ZNF644: variants seen among roughly 807,000 people sequenced by gnomAD.
The protein encoded by ZNF644 is zinc finger motif enhancer binding protein 2.
ZNF644 carries 20 observed loss-of-function variants against 108.0 expected under a neutral mutation model. The ratio of observed to expected loss-of-function variants is 0.19; its 90% confidence interval spans 0.13 to 0.27. The LOEUF is 0.27. ZNF644 is among the 10% of genes least tolerant of loss of function. The pLI is 1.00. For missense variants in ZNF644, 1,338 were observed against 1,548.9 expected (o/e 0.86, Z 2.29); for synonymous variants, 542 against 539.1 (o/e 1.01, Z -0.08).
At chr1:90,933,579 G>C (rs953130456) in intron 4 of ZNF644, among the ~76,000 whole-genome samples, 9 of 152,112 alleles carry the variant, frequency 5.9e-5, no homozygotes, top group African/African-American at 2.2e-4. Flanking sequence ...CAGGGGAATT[G>C]CTTGAACCAG....
chr1:90,947,509 G>T (rs1036915020), intron 2 of ZNF644, among the ~76,000 whole-genome samples: 9 of 152,188 alleles, frequency 5.9e-5, no homozygotes, highest in African/African-American at 2.2e-4. Context: ...CAGGGGCAGT[G>T]TGTCAACTTT....
At chr1:90,929,648 C>T (rs1447572417) in intron 4 of ZNF644, among the ~76,000 whole-genome samples, 1 of 152,086 alleles carries the variant, frequency 6.6e-6, no homozygotes, top group Admixed American at 6.5e-5. Flanking sequence ...TTTTTTCTAT[C>T]ACATCAGAAA....
chr1:90,992,608 C>G (rs1244412368), intron 1 of ZNF644, among the ~76,000 whole-genome samples: 1 of 152,134 alleles, frequency 6.6e-6, no homozygotes, highest in Non-Finnish European at 1.5e-5. Context: ...GCAAACAATT[C>G]TTACTGAAAT....
chr1:90,985,323 TAA>T (rs771274103), intron 1 of ZNF644, among the ~76,000 whole-genome samples: 1 of 152,230 alleles, frequency 6.6e-6, no homozygotes. Flanking sequence ...GTAAAACACT[TAA>T]AATCTACTCT....
chr1:90,976,652 T>C (rs907876255), intron 2 of ZNF644, among the ~76,000 whole-genome samples: 25 of 152,180 alleles, frequency 1.6e-4, no homozygotes, highest in Admixed American at 5.9e-4. Flanking sequence ...TTGGAAAAAC[T>C]ACTGACAGCT....
chr1:91,019,711 T>G (rs552479086), intron 1 of ZNF644, among the ~76,000 whole-genome samples: 1 of 152,060 alleles, frequency 6.6e-6, no homozygotes, highest in Non-Finnish European at 1.5e-5. Context: ...GGTGGGACTA[T>G]AGGCACCACC....
At chr1:90,958,232 T>TAAAAAAAAAAAAAAAA (rs777224217) in intron 2 of ZNF644, among the ~76,000 whole-genome samples, 1 of 41,380 alleles carries the variant, frequency 2.4e-5, no homozygotes, top group Non-Finnish European at 4.8e-5. Flanking sequence ...GCAAAACTCC[T>TAAAAAAAAAAAAAAAA]AAAAAAAAAA....
At chr1:91,000,963 C>T (rs1394765804) in intron 1 of ZNF644, among the ~76,000 whole-genome samples, 1 of 152,196 alleles carries the variant, frequency 6.6e-6, no homozygotes, top group Non-Finnish European at 1.5e-5. Flanking sequence ...TGGACACATA[C>T]ACCCTCCCAA....
intron 2 of ZNF644, among the ~76,000 whole-genome samples, chr1:90,969,138 A>T (rs1655217264): frequency 6.6e-6 from 1 of 152,198 alleles, no homozygotes; most frequent in African/African-American, 2.4e-5. Flanking sequence ...AAGCCCTAGT[A>T]CAAAGTTAAA....
intron 4 of ZNF644, among the ~76,000 whole-genome samples, chr1:90,931,357 G>A (rs940140319): frequency 1.7e-5 from 2 of 121,056 alleles, no homozygotes; most frequent in Non-Finnish European, 3.5e-5. Flanking sequence ...AAACATTAAA[G>A]AGAACAAAAT....
chr1:90,963,612 T>C (rs77256547), intron 2 of ZNF644, among the ~76,000 whole-genome samples: 126 of 152,274 alleles, frequency 8.3e-4, no homozygotes, highest in African/African-American at 2.6e-3. Flanking sequence ...AAGTGAACCA[T>C]AGCGACATCT....
rs554847215 is a variant in ZNF644, at chr1:91,001,133, T to C, written c.-17-18763A>G. Among the ~76,000 whole-genome samples the C allele has an allele frequency of 3.8e-4, 58 of 152,326 alleles. 2 individuals carry two copies. The South Asian group carries it at 0.012, about 30-fold the overall frequency. Reference sequence around the variant, plus strand: ...AAGGAGGAGCTGGTACCATTCCTTCTGAAACTATTCCAATCAATAGGAAAA... The same window carrying C: ...AAGGAGGAGCTGGTACCATTCCTTCCGAAACTATTCCAATCAATAGGAAAA... On this transcript the variant is annotated intron_variant, in intron 1 of 5. Coordinates refer to ENST00000337393, the MANE Select transcript of ZNF644 (RefSeq NM_201269.3).
chr1:90,951,476 C>CCTTA (rs1222469388), intron 2 of ZNF644, among the ~76,000 whole-genome samples: 1 of 152,140 alleles, frequency 6.6e-6, no homozygotes, highest in East Asian at 1.9e-4. Flanking sequence ...TAGCGTAAGG[C>CCTTA]CTTAGCATTG....
chr1:90,948,191 G>A (rs916981818), intron 2 of ZNF644, among the ~76,000 whole-genome samples: 2 of 152,252 alleles, frequency 1.3e-5, no homozygotes, highest in Admixed American at 6.5e-5. Context: ...TTAGAGCATA[G>A]AATCAGCACC....
intron 1 of ZNF644, among the ~76,000 whole-genome samples, chr1:91,016,582 G>A (rs1191883873): frequency 6.6e-6 from 1 of 152,180 alleles, no homozygotes; most frequent in Non-Finnish European, 1.5e-5. Flanking sequence ...CGTAAATGCA[G>A]TCCACTATTG....
chr1:90,938,272 CT>C lies in ZNF644; in HGVS notation c.3081del (p.Ala1028LeufsTer2). On this transcript the variant is annotated frameshift_variant and splice_region_variant, in exon 3 of 6. Transcript: ENST00000337393. LOFTEE classifies it high-confidence loss of function. The surrounding 1 kb of genome is among the most constrained non-coding windows in gnomAD (Gnocchi z 4.2). ...GTGTPVKRVR[K>X]AIEKSETTSE... ...CAAATCATCCCCATGGAGAACTTAC[CT>C]TTTCTAACTCGTTTAACAGGTGTTC... is the stretch of plus-strand genomic sequence containing the variant. The C allele has an allele frequency of 6.2e-7, 1 of 1,613,912 alleles. No individual in the cohort carries two copies. Among genetic ancestry groups the C allele is most frequent in the Non-Finnish European group, 8.5e-7 (1 of 1,179,858 alleles).
chr1:90,961,162 A>T (rs1654301577), intron 2 of ZNF644, among the ~76,000 whole-genome samples: 1 of 152,176 alleles, frequency 6.6e-6, no homozygotes, highest in African/African-American at 2.4e-5. Context: ...GCTAAAATAT[A>T]TATGGAATTT....
At chr1:91,003,890 T>C (rs1287561738) in intron 1 of ZNF644, among the ~76,000 whole-genome samples, 1 of 151,536 alleles carries the variant, frequency 6.6e-6, no homozygotes, top group African/African-American at 2.4e-5. Flanking sequence ...AGAATATCAA[T>C]AAAAGATAAA....
intron 2 of ZNF644, among the ~76,000 whole-genome samples, chr1:90,958,460 G>A (rs1653988535): frequency 6.6e-6 from 1 of 151,766 alleles, no homozygotes; most frequent in Admixed American, 6.6e-5. Context: ...CTTTTTGCAG[G>A]ATTGTAAAAG....
Sources: gnomAD v4.1 joint callset for allele counts (sites outside exome capture counted in the v4.1 genomes callset) on GRCh38, gnomAD v4.1.1 for gene constraint, Gnocchi (gnomAD v3.1) non-coding constraint, MANE v1.5 for transcripts, NCBI Gene and HGNC (gene_info 2026-07-23, HGNC 2026-07-21) for gene names.